Variants in SLC30A7 observed in about 807,000 individuals in gnomAD.
The protein encoded by SLC30A7 is solute carrier family 30 member 7, also known as zinc transporter 7.
A neutral mutation model predicts 46.0 loss-of-function variants in SLC30A7; 35 were observed. The observed-to-expected ratio is 0.76, with a 90% CI of 0.58 to 1.01. The LOEUF (loss-of-function observed/expected upper bound fraction) is 1.01. Among genes scored for constraint, SLC30A7 ranks in the 50% least tolerant of loss-of-function variants. The pLI is 0.00. For missense variants in SLC30A7, 464 were observed against 451.1 expected (o/e 1.03, Z -0.26); for synonymous variants, 147 against 157.8 (o/e 0.93, Z 0.51).
In SLC30A7 at chr1:100,941,769, G is replaced by T. The variant is rs190046569; in HGVS notation, c.842+19928G>T. 2.4e-4 allele frequency: 151 copies of T among 625,198 alleles called. 1 individual carries two copies. The highest frequency in any genetic ancestry group is 9.5e-4 in the Middle Eastern group (2 of 2,098). 38.7% of individuals were successfully genotyped at this position (625,198 alleles called of 1,614,324 possible). ...TGACTGCATCTACCTCCTCCACAGT[G>T]GCATACGTGACAAACCCAAAGCCCC... On this transcript the variant is annotated intron_variant, in intron 8 of 10. Coordinates refer to ENST00000357650, the MANE Select transcript of SLC30A7 (RefSeq NM_133496.5).
chr1:100,913,114 A>G (rs1229903624), intron 5 of SLC30A7, among the ~76,000 whole-genome samples: 3 of 152,120 alleles, frequency 2.0e-5, no homozygotes, highest in Non-Finnish European at 2.9e-5. Context: ...CTGTGGAGAA[A>G]GGATTCTGCA....
At chr1:100,955,868 C>A (rs74785044) in intron 8 of SLC30A7, among the ~76,000 whole-genome samples, 95 of 152,138 alleles carry the variant, frequency 6.2e-4, no homozygotes, top group Admixed American at 1.6e-3. Context: ...TTAGCAAGTA[C>A]CTTTATTCTC....
chr1:100,905,654 C>G (rs1369646399), intron 2 of SLC30A7, among the ~76,000 whole-genome samples: 2 of 152,032 alleles, frequency 1.3e-5, no homozygotes, highest in Non-Finnish European at 2.9e-5. Flanking sequence ...TTTGACCTAA[C>G]TGATTCTTTC....
In SLC30A7 at chr1:100,905,608, C is replaced by G. The variant is rs140991524; in HGVS notation, c.183-1244C>G. 8.5e-4 allele frequency among the ~76,000 whole-genome samples: 130 copies of G among 152,096 alleles called. 1 individual carries two copies. Among genetic ancestry groups the G allele is most frequent in the East Asian group, 5.8e-3 (30 of 5,188 alleles). On this transcript the variant is annotated intron_variant, in intron 2 of 10. Transcript: ENST00000357650. ...TTTTGTTTGTCTGTTTGTTTCCACT[C>G]TCTTTTCTCTTTGTGTTGCACTTTG... is the stretch of plus-strand genomic sequence containing the variant.
rs1004301140 is a variant in SLC30A7 at position 100,923,177 on chromosome 1, C to T, written c.842+1336C>T. Among the ~76,000 whole-genome samples, 56 of 136,982 alleles carry T rather than the reference C, an allele frequency of 4.1e-4. 7 individuals carry two copies. Among genetic ancestry groups the T allele is most frequent in the African/African-American group, 1.3e-3 (48 of 36,294 alleles). The allele number at this position is 136,982 out of a possible 152,430, so 89.9% of individuals were successfully genotyped here. A position where few individuals can be genotyped will look rare whatever the true frequency, so the allele number is the denominator to read the frequency against. ...GACTACAGGCGCCCGCCACCTCGCC[C>T]GGCTAATTTTTTGTATTTTTAGTAG... On this transcript the variant is annotated intron_variant, in intron 8 of 10. Transcript: ENST00000357650.
In SLC30A7 at chr1:100,931,020, GC is replaced by G. The variant is rs142682655; in HGVS notation, c.842+9180del. Among the ~76,000 whole-genome samples the G allele has an allele frequency of 6.6e-3, 997 of 152,154 alleles. 17 individuals carry two copies. Among genetic ancestry groups the G allele is most frequent in the African/African-American group, 0.021 (868 of 41,506 alleles). On this transcript the variant is annotated intron_variant, in intron 8 of 10. Transcript: ENST00000357650. ...TCCTTGGGGCAATTGAGAAATAGTC[GC>G]TAAAATCATTTTCTGTGTTCATTGG...
intron 9 of SLC30A7, among the ~76,000 whole-genome samples, chr1:100,962,734 T>C (rs1008432144): frequency 6.6e-6 from 1 of 152,198 alleles, no homozygotes; most frequent in Non-Finnish European, 1.5e-5. Flanking sequence ...ATCCTATGTT[T>C]TTAAGAGATT....
chr1:100,896,612 C>T lies in SLC30A7; in HGVS notation c.123C>T (p.Phe41=). The T allele has an allele frequency of 6.2e-7, 1 of 1,614,172 alleles. No individual in the cohort carries two copies. The highest frequency in any genetic ancestry group is 8.5e-7 in the Non-Finnish European group (1 of 1,180,020). The change falls in exon 2 of 11, where the codon TTC becomes TTT. Residue 41 remains phenylalanine, a synonymous_variant. Coordinates refer to ENST00000357650, the MANE Select transcript of SLC30A7 (RefSeq NM_133496.5). Reference sequence around the variant, plus strand: ...AGACTTCCCGGAACCTGTTTTTCTTCCTGTGCCTGAACCTCTCTTTCGCTT... The same window carrying T: ...AGACTTCCCGGAACCTGTTTTTCTTTCTGTGCCTGAACCTCTCTTTCGCTT... ...SDKTSRNLFF[F]LCLNLSFAFV...
At chr1:100,940,810 TATTA>T (rs1175638949) in intron 8 of SLC30A7, among the ~76,000 whole-genome samples, 7 of 152,236 alleles carry the variant, frequency 4.6e-5, no homozygotes, top group Non-Finnish European at 7.3e-5. Flanking sequence ...GATAACCTGT[TATTA>T]ATTGTTACAT....
intron 8 of SLC30A7, chr1:100,941,504 C>T (rs1654346984): frequency 1.9e-6 from 1 of 515,450 alleles, no homozygotes. Context: ...CACAGTCATG[C>T]TTACAAAGGC....
chr1:100,987,480 G>A, the SLC30A7 span, among the ~76,000 whole-genome samples: 12 of 152,022 alleles, frequency 7.9e-5, no homozygotes, highest in East Asian at 1.4e-3. Context: ...TCTATGCTAC[G>A]GTTAAACCCA....
Position 100,969,188 on chromosome 1 carries a change from A to G in SLC30A7, c.1083+3270A>G, listed in dbSNP as rs148396016. ...CTTTCTTAACAGACACTGTAAGTCTATATCATGACATTCATAATGAAGCAT... is the reference window on the plus strand; with the variant it reads ...CTTTCTTAACAGACACTGTAAGTCTGTATCATGACATTCATAATGAAGCAT... On this transcript the variant is annotated intron_variant, in intron 10 of 10. Transcript: ENST00000357650. Among the ~76,000 whole-genome samples the G allele has an allele frequency of 3.6e-3, 550 of 152,352 alleles. 9 individuals are homozygous for G. The highest frequency in any genetic ancestry group is 0.015 in the Admixed American group (234 of 15,300).
At chr1:100,965,719 G>C in intron 9 of SLC30A7, 50 bp from the exon 10 acceptor site, 1 of 1,483,948 alleles carries the variant, frequency 6.7e-7, no homozygotes, top group Non-Finnish European at 9.4e-7. Context: ...TTAAGTAAAA[G>C]GGAGTGCTTA....
intron 4 of SLC30A7, among the ~76,000 whole-genome samples, chr1:100,911,494 GGAA>G (rs1319872399): frequency 2.6e-5 from 4 of 151,994 alleles, no homozygotes; most frequent in Non-Finnish European, 4.4e-5. Flanking sequence ...TTTTTAAAAA[GGAA>G]GAAGACTTAA....
intron 4 of SLC30A7, among the ~76,000 whole-genome samples, chr1:100,911,652 C>T (rs955336049): frequency 1.2e-4 from 19 of 152,170 alleles, no homozygotes; most frequent in South Asian, 4.1e-4. Flanking sequence ...CTGGTGTAAG[C>T]GATTCTCCTT....
chr1:100,937,007 C>T (rs184574272), intron 8 of SLC30A7, among the ~76,000 whole-genome samples: 144 of 152,264 alleles, frequency 9.5e-4, no homozygotes, highest in Non-Finnish European at 1.6e-3. Context: ...TACTCATACT[C>T]ATACACATAG....
intron 9 of SLC30A7, among the ~76,000 whole-genome samples, chr1:100,964,025 A>G (rs1655695882): frequency 6.6e-6 from 1 of 152,038 alleles, no homozygotes; most frequent in African/African-American, 2.4e-5. Context: ...TTTAATGGTA[A>G]AGGATAAGGG....
chr1:100,930,100 A>G (rs1204119006), intron 8 of SLC30A7, among the ~76,000 whole-genome samples: 2 of 152,056 alleles, frequency 1.3e-5, no homozygotes, highest in Non-Finnish European at 2.9e-5. Flanking sequence ...ACTAAGCAGG[A>G]TATAGAAATA....
At chr1:100,995,081 A>AT in the SLC30A7 span, 1 of 1,500,516 alleles carries the variant, frequency 6.7e-7, no homozygotes, top group Non-Finnish European at 9.3e-7. Flanking sequence ...AATAAAACAC[A>AT]TGTATGCATT....
Sources: gnomAD v4.1 joint callset for allele counts (sites outside exome capture counted in the v4.1 genomes callset) on GRCh38, gnomAD v4.1.1 for gene constraint, MANE v1.5 for transcripts, NCBI Gene and HGNC (gene_info 2026-07-23, HGNC 2026-07-21) for gene names.